Variants in OPHN1 observed in about 807,000 individuals in gnomAD.
The protein encoded by OPHN1 is oligophrenin 1.
A neutral mutation model predicts 60.7 loss-of-function variants in OPHN1; 11 were observed. The ratio of observed to expected loss-of-function variants is 0.18; its 90% CI spans 0.11 to 0.30. OPHN1 has a LOEUF of 0.30. Among genes scored for constraint, OPHN1 ranks in the 10% least tolerant of loss-of-function variants. The probability of loss-of-function intolerance (pLI) is 1.00; values close to 1 mark genes in which losing one functional copy is unlikely to be tolerated. For missense variants in OPHN1, 449 were observed against 611.0 expected, an observed-to-expected ratio of 0.73 and a Z score of 2.80; for synonymous variants, 226 against 222.6, an observed-to-expected ratio of 1.02 and a Z score of -0.14.
intron 2 of OPHN1, among the ~76,000 whole-genome samples, chrX:68,364,559 T>C (rs750328965): frequency 4.0e-4 from 45 of 111,901 alleles, no homozygotes; most frequent in African/African-American, 1.4e-3. Context: ...TCCATCAGGA[T>C]GTAATTCAGT....
chrX:68,433,190 G>A lies in OPHN1; in HGVS notation c.-27C>T. 2.0e-6 allele frequency: 1 copy of A among 503,638 alleles called. No homozygotes were observed. The highest frequency in any genetic ancestry group is 3.2e-6 in the Non-Finnish European group (1 of 312,730). The allele number at this position is 503,638 out of a possible 1,213,427, so 41.5% of individuals were successfully genotyped here. ...TACCTGTTTCAGTGAGACTCCTGAG[G>A]AGCGCTGGCTGGTCCGGACAGAGAA... On this transcript the variant is annotated 5_prime_UTR_variant, in exon 1 of 25. Transcript: ENST00000355520.
intron 20 of OPHN1, chrX:68,071,346 C>T (rs2076933716): frequency 1.4e-6 from 1 of 728,183 alleles, no homozygotes; most frequent in Admixed American, 2.2e-5. Flanking sequence ...TTTTGGCGGG[C>T]TCACTTTAAC....
At chrX:68,392,945 CG>C (rs1480956811) in intron 2 of OPHN1, among the ~76,000 whole-genome samples, 1 of 111,049 alleles carries the variant, frequency 9.0e-6, no homozygotes, top group Non-Finnish European at 1.9e-5. Flanking sequence ...TCGATTCTTC[CG>C]GGACACTGGA....
At chrX:68,278,891 A>C (rs1295714400) in intron 4 of OPHN1, among the ~76,000 whole-genome samples, 1 of 110,350 alleles carries the variant, frequency 9.1e-6, no homozygotes, top group African/African-American at 3.3e-5. Flanking sequence ...GTCACAAAAA[A>C]TAAAATAAAA....
chrX:68,209,846 C>T (rs907079180), intron 9 of OPHN1, among the ~76,000 whole-genome samples: 1 of 111,486 alleles, frequency 9.0e-6, no homozygotes, highest in African/African-American at 3.3e-5. Flanking sequence ...TTTTCTACTT[C>T]CTTTCCTCTA....
chrX:68,432,765 C>A, intron 2 of OPHN1, 102 bp downstream of exon 2: 1 of 948,252 alleles, frequency 1.1e-6, no homozygotes, highest in Non-Finnish European at 1.5e-6. Flanking sequence ...GAGATCTGGG[C>A]TGGGAGTCAC....
chrX:68,077,845 C>T (rs2076959120), intron 19 of OPHN1, among the ~76,000 whole-genome samples: 1 of 111,660 alleles, frequency 9.0e-6, no homozygotes, highest in Admixed American at 9.5e-5. Context: ...CAAGGACACC[C>T]TCTAAAATAT....
In OPHN1 at chrX:68,211,706, G is replaced by T. The variant is rs148847697; in HGVS notation, c.702+402C>A. On this transcript the variant is annotated intron_variant, in intron 8 of 24. Coordinates refer to ENST00000355520, the MANE Select transcript of OPHN1 (RefSeq NM_002547.3). The stretch of plus-strand genomic sequence containing the variant: ...ACTCTACTAATAAGTACTGAGAAAA[G>T]AAAGAGAAGATAAAATGAGTGTTTG... Among the ~76,000 whole-genome samples, 473 of 112,378 alleles carry T rather than the reference G, an allele frequency of 4.2e-3. 4 individuals are homozygous for T. Among genetic ancestry groups the T allele is most frequent in the African/African-American group, 0.015 (452 of 31,010 alleles).
intron 20 of OPHN1, 29 bp downstream of exon 20, chrX:68,073,123 A>G: frequency 8.4e-7 from 1 of 1,193,277 alleles, no homozygotes; most frequent in Non-Finnish European, 1.1e-6. Context: ...ATCACCATTC[A>G]GAAGCTAAAG....
chrX:68,167,557 GTA>G, intron 15 of OPHN1, among the ~76,000 whole-genome samples: 1 of 109,472 alleles, frequency 9.1e-6, no homozygotes, highest in Non-Finnish European at 1.9e-5. Context: ...GTATGTACAG[GTA>G]TATATATGTA....
chrX:68,134,763 C>T (rs1232925539), intron 15 of OPHN1, among the ~76,000 whole-genome samples: 3 of 110,188 alleles, frequency 2.7e-5, no homozygotes, highest in South Asian at 4.0e-4. Context: ...GAATTTGGAT[C>T]CTTTGGTGAG....
At chrX:68,300,858 A>G (rs2078116370) in intron 2 of OPHN1, among the ~76,000 whole-genome samples, 1 of 112,715 alleles carries the variant, frequency 8.9e-6, no homozygotes, top group African/African-American at 3.2e-5. Context: ...TCAAAATTTC[A>G]GAAACCACAA....
intron 15 of OPHN1, among the ~76,000 whole-genome samples, chrX:68,132,677 T>C (rs2077200809): frequency 1.1e-5 from 1 of 94,382 alleles, no homozygotes; most frequent in Non-Finnish European, 2.1e-5. Context: ...TGTGCACATG[T>C]ACCCTAAAAC....
chrX:68,422,786 AGAGGGAGGGAGG>A (rs1186609970), intron 2 of OPHN1, among the ~76,000 whole-genome samples: 3 of 60,446 alleles, frequency 5.0e-5, no homozygotes, highest in African/African-American at 1.3e-4. Flanking sequence ...AGAAAGAGAG[AGAGGGAGGGAGG>A]GAGGGAGGGA....
At chrX:68,057,950 A>G (rs2076879304) in intron 21 of OPHN1, among the ~76,000 whole-genome samples, 1 of 111,605 alleles carries the variant, frequency 9.0e-6, no homozygotes, top group African/African-American at 3.3e-5. Flanking sequence ...ATCTAAGTCT[A>G]TAAGCCTCTA....
At chrX:68,091,849 T>C (rs1158285502) in intron 19 of OPHN1, among the ~76,000 whole-genome samples, 1 of 111,502 alleles carries the variant, frequency 9.0e-6, no homozygotes, top group East Asian at 2.8e-4. Flanking sequence ...TGATACATAC[T>C]GCTAAGTGAG....
chrX:68,339,087 A>AT lies in OPHN1; in HGVS notation c.155-39992_155-39991insA, dbSNP rs1167511529. Among the ~76,000 whole-genome samples, 600 of 90,966 alleles carry AT rather than the reference A, an allele frequency of 6.6e-3. 5 individuals carry two copies. Among genetic ancestry groups the AT allele is most frequent in the African/African-American group, 0.02 (395 of 19,476 alleles). 79.0% of individuals were successfully genotyped at this position (90,966 alleles called of 115,157 possible). A position where few individuals can be genotyped will look rare whatever the true frequency, so the allele number is the denominator to read the frequency against. ...AGTGAGACCCTGTCTGAAAAAAAAA[A>AT]ATATATATATATATATATTTATATA... On this transcript the variant is annotated intron_variant, in intron 2 of 24. Transcript: ENST00000355520.
intron 5 of OPHN1, among the ~76,000 whole-genome samples, chrX:68,265,299 C>T (rs889465296): frequency 2.7e-5 from 3 of 111,829 alleles, no homozygotes; most frequent in African/African-American, 9.7e-5. Context: ...AGACTGACAC[C>T]TCACACAGCC....
chrX:68,351,374 C>A (rs1297486338), intron 2 of OPHN1, among the ~76,000 whole-genome samples: 1 of 111,663 alleles, frequency 9.0e-6, no homozygotes, highest in African/African-American at 3.3e-5. Context: ...TACTCTTGAA[C>A]AAGAGTCACA....
Sources: gnomAD v4.1 joint callset for allele counts (sites outside exome capture counted in the v4.1 genomes callset) on GRCh38, gnomAD v4.1.1 for gene constraint, MANE v1.5 for transcripts, NCBI Gene and HGNC (gene_info 2026-07-23, HGNC 2026-07-21) for gene names.